The following KCNC4 variants were observed in gnomAD, a reference collection of about 807,000 sequenced individuals.
KCNC4 encodes the protein voltage-gated potassium channel KCNC4.
A neutral mutation model predicts 42.8 loss-of-function variants in KCNC4; 23 were observed. That is an observed-to-expected ratio of 0.54 (90% CI 0.39 to 0.76). KCNC4 has a LOEUF of 0.76. Ranked by LOEUF, KCNC4 falls within the 30% of genes least tolerant of loss-of-function variation. KCNC4 has a pLI of 0.00. For synonymous variants in KCNC4, 422 were observed against 393.5 expected, an observed-to-expected ratio of 1.07 and a Z score of -0.86; for missense variants, 751 against 898.2, an observed-to-expected ratio of 0.84 and a Z score of 2.10.
intron 1 of KCNC4, among the ~76,000 whole-genome samples, chr1:110,215,148 C>T (rs922949476): frequency 1.3e-5 from 2 of 152,246 alleles, no homozygotes; most frequent in African/African-American, 4.8e-5. Context: ...AGGAGCAAAA[C>T]GATACAAATG....
chr1:110,254,322 G>A (rs1165162612), intron 1 of KCNC4, among the ~76,000 whole-genome samples: 1 of 152,172 alleles, frequency 6.6e-6, no homozygotes, highest in East Asian at 1.9e-4. Context: ...CCAGCCACAG[G>A]ATCTGACCCC....
At chr1:110,230,642 G>C (rs1658647803) in intron 3 of KCNC4, among the ~76,000 whole-genome samples, 1 of 152,200 alleles carries the variant, frequency 6.6e-6, no homozygotes, top group South Asian at 2.1e-4. Flanking sequence ...ATGTCCCTGG[G>C]CGACAAGATG....
chr1:110,276,447 G>A (rs904430033), intron 1 of KCNC4, among the ~76,000 whole-genome samples: 8 of 152,218 alleles, frequency 5.3e-5, no homozygotes, highest in Non-Finnish European at 1.2e-4. Flanking sequence ...AGTGTCTGCA[G>A]CTTTTTCAGA....
intron 1 of KCNC4, among the ~76,000 whole-genome samples, chr1:110,212,633 G>A (rs937678652): frequency 6.6e-6 from 1 of 152,172 alleles, no homozygotes; most frequent in Non-Finnish European, 1.5e-5. Flanking sequence ...CTTCCATGCC[G>A]TGCCACCTCA....
intron 3 of KCNC4, among the ~76,000 whole-genome samples, chr1:110,226,894 G>A (rs1172801444): frequency 6.6e-6 from 1 of 152,240 alleles, no homozygotes; most frequent in Non-Finnish European, 1.5e-5. Context: ...CAAGGGCAGA[G>A]GTTGGGCTGT....
chr1:110,241,566 T>C (rs1320991460), exon 4 of KCNC4: 3 of 152,240 alleles, frequency 2.0e-5, no homozygotes, highest in Non-Finnish European at 4.4e-5. Flanking sequence ...AATTCTGGCC[T>C]GACTCCAATT....
chr1:110,223,298 C>A lies in KCNC4; in HGVS notation c.1013C>A (p.Ala338Glu). The A allele has an allele frequency of 6.2e-7, 1 of 1,614,178 alleles. No homozygotes were observed. The highest frequency in any genetic ancestry group is 8.5e-7 in the Non-Finnish European group (1 of 1,180,032). Residue 338 changes from alanine to glutamate, a missense_variant, in exon 2 of 4, where the codon GCG becomes GAG. By Grantham distance (107) the Ala-to-Glu change is moderately radical (BLOSUM62 -1). This residue lies in a region of KCNC4 where 185 missense variants were observed against 293.7 expected (regional missense o/e 0.63). Transcript: ENST00000438661. This position sits in a 1 kb window ranked among gnomAD's most constrained non-coding sequence, Gnocchi z 7.5. ...EVGLSGLSSK[A>E]ARDVLGFLRV... Reference sequence around the variant, plus strand: ...GGGCTGAGCGGCCTGTCATCCAAGGCGGCCCGCGACGTGCTGGGCTTCCTG... The same window carrying A: ...GGGCTGAGCGGCCTGTCATCCAAGGAGGCCCGCGACGTGCTGGGCTTCCTG...
Position 110,212,075 on chromosome 1 carries a change from C to T in KCNC4, c.576C>T (p.His192=), listed in dbSNP as rs372743517. 1.8e-5 allele frequency: 28 copies of T among 1,540,050 alleles called. No homozygotes were observed. In the East Asian group the frequency reaches 3.6e-4, roughly 20 times the overall value. The part of the protein sequence containing the change: ...RELALQRLGP[H]EGGAGHGAGS... Reference sequence around the variant, plus strand: ...TGGCCCTGCAGCGACTGGGCCCCCACGAGGGAGGCGCGGGCCATGGCGCCG... The same window carrying T: ...TGGCCCTGCAGCGACTGGGCCCCCATGAGGGAGGCGCGGGCCATGGCGCCG... Residue 192 remains histidine, a synonymous_variant, in exon 1 of 4, where the codon CAC becomes CAT. Transcript: ENST00000438661.
intron 1 of KCNC4, among the ~76,000 whole-genome samples, chr1:110,266,361 T>C (rs76651066): frequency 0.14 from 21,349 of 152,046 alleles, 2,802 homozygotes; most frequent in African/African-American, 0.35. Context: ...ACAAACCTGG[T>C]CCCACAAATA....
chr1:110,230,796 C>T (rs1010810707), intron 3 of KCNC4, among the ~76,000 whole-genome samples: 1 of 152,222 alleles, frequency 6.6e-6, no homozygotes, highest in Non-Finnish European at 1.5e-5. Context: ...CTCTCAGCAC[C>T]TCTGGGCCTG....
downstream of KCNC4, chr1:110,234,673 C>T (rs1166221590): frequency 6.6e-6 from 1 of 152,210 alleles, no homozygotes; most frequent in African/African-American, 2.4e-5. Context: ...AGAAGGGCCC[C>T]ATGCTGGGTT....
intron 1 of KCNC4, among the ~76,000 whole-genome samples, chr1:110,280,609 C>T (rs976000623): frequency 4.6e-5 from 7 of 151,926 alleles, no homozygotes; most frequent in Non-Finnish European, 8.8e-5. Flanking sequence ...ACACCATCGC[C>T]TAGTTATCTA....
Position 110,212,044 on chromosome 1 carries a change from G to T in KCNC4, c.545G>T (p.Arg182Leu). ...AGCGACGAGGCCGGCGACGATGAGC[G>T]GGAGCTGGCCCTGCAGCGACTGGGC... ...GPSDEAGDDERELALQRLGPH... is the reference protein window; with the variant it reads ...GPSDEAGDDELELALQRLGPH... Residue 182 changes from arginine to leucine, a missense_variant, in exon 1 of 4, where the codon CGG becomes CTG. Around this residue, in one of 4 missense-constraint regions of KCNC4, gnomAD observed 181 missense variants for 167.3 expected, o/e 1.08. Transcript: ENST00000438661. The T allele has an allele frequency of 1.3e-6, 2 of 1,579,834 alleles. No individual in the cohort carries two copies. The highest frequency in any genetic ancestry group is 1.7e-6 in the Non-Finnish European group (2 of 1,165,118).
chr1:110,224,771 G>C (rs1370543019), intron 2 of KCNC4: 1 of 152,270 alleles, frequency 6.6e-6, no homozygotes, highest in Non-Finnish European at 1.5e-5. Context: ...AGAGGGAAAG[G>C]CATCCTGACT....
intron 1 of KCNC4, among the ~76,000 whole-genome samples, chr1:110,213,170 TAAAAAAAAAAAAAAAA>T (rs760587471): frequency 1.6e-4 from 8 of 50,848 alleles, no homozygotes; most frequent in African/African-American, 7.0e-4. Flanking sequence ...CTTCGACAGC[TAAAAAAAAAAAAAAAA>T]AAAAAAAAAA....
rs535141489 is a variant in KCNC4 at position 110,262,539 on chromosome 1, T to C, written n.31-19995T>C. ...AAAGTGAATTTGAAGTTCAGGCCAA[T>C]AGGGAGTTTCCAGTTCTTGTATCAT... On this transcript the variant is annotated intron_variant and non_coding_transcript_variant, in intron 1 of 2. Transcript: ENST00000412512. Among the ~76,000 whole-genome samples the C allele has an allele frequency of 3.3e-5, 5 of 152,354 alleles. No homozygotes were observed. The East Asian group carries it at 9.6e-4, about 29-fold the overall frequency.
downstream of KCNC4, among the ~76,000 whole-genome samples, chr1:110,249,436 T>C (rs905577267): frequency 1.3e-5 from 2 of 152,206 alleles, no homozygotes; most frequent in African/African-American, 4.8e-5. Flanking sequence ...GGTTAGCACG[T>C]TGCCTGGCAT....
downstream of KCNC4, chr1:110,235,044 TC>T (rs1056875478): frequency 1.3e-5 from 2 of 152,592 alleles, no homozygotes; most frequent in African/African-American, 2.4e-5. Context: ...CCTGCCCTGT[TC>T]CTGTCACTCT....
At chr1:110,261,596 AG>A (rs1326488219) in intron 1 of KCNC4, among the ~76,000 whole-genome samples, 1 of 152,234 alleles carries the variant, frequency 6.6e-6, no homozygotes, top group Non-Finnish European at 1.5e-5. Context: ...TTATAGAAAA[AG>A]TATTGACTGG....
Sources: allele counts gnomAD v4.1 joint callset (sites outside exome capture counted in the v4.1 genomes callset), GRCh38; gene constraint gnomAD v4.1.1; regional missense constraint gnomAD v4.1.1; non-coding constraint Gnocchi (gnomAD v3.1); transcripts MANE v1.5; gene names NCBI Gene and HGNC (gene_info 2026-07-23, HGNC 2026-07-21).